IQCJ: variants seen among roughly 807,000 people sequenced by gnomAD.
IQCJ encodes IQ motif containing J, also known as IQ domain-containing protein J.
IQCJ carries 9 observed loss-of-function variants against 11.0 expected under a neutral mutation model. The ratio of observed to expected loss-of-function variants is 0.82; its 90% CI spans 0.49 to 1.43. The LOEUF (loss-of-function observed/expected upper bound fraction) is 1.43, where lower values mean the gene tolerates loss of function less well. IQCJ is among the 40% of genes most tolerant of loss of function. IQCJ has a pLI of 0.00. For synonymous variants in IQCJ, 55 were observed against 51.3 expected, an observed-to-expected ratio of 1.07 and a Z score of -0.31; for missense variants, 146 against 133.2, an observed-to-expected ratio of 1.10 and a Z score of -0.47.
chr3:159,076,165 C>T (rs1715900350), intron 1 of IQCJ, among the ~76,000 whole-genome samples: 1 of 152,030 alleles, frequency 6.6e-6, no homozygotes, highest in African/African-American at 2.4e-5. Flanking sequence ...TGATGTATGT[C>T]TCTGCAGTGT....
chr3:159,202,076 A>G (rs924680689), intron 1 of IQCJ, among the ~76,000 whole-genome samples: 13 of 152,120 alleles, frequency 8.5e-5, no homozygotes, highest in African/African-American at 1.2e-4. Flanking sequence ...GTTGAGTCCA[A>G]TTGACTCAAG....
At chr3:159,199,206 C>A (rs960209758) in intron 1 of IQCJ, among the ~76,000 whole-genome samples, 2 of 152,072 alleles carry the variant, frequency 1.3e-5, no homozygotes, top group Non-Finnish European at 2.9e-5. Flanking sequence ...AACCCTAAGA[C>A]CAGGAGATTA....
chr3:159,086,711 G>C (rs537471963), intron 1 of IQCJ, among the ~76,000 whole-genome samples: 63 of 151,954 alleles, frequency 4.1e-4, no homozygotes, highest in African/African-American at 1.2e-3. Flanking sequence ...TGATTTGGCT[G>C]TCTGTTTGTC....
At chr3:159,205,195 G>T (rs1724582062) in intron 1 of IQCJ, among the ~76,000 whole-genome samples, 1 of 152,156 alleles carries the variant, frequency 6.6e-6, no homozygotes, top group Non-Finnish European at 1.5e-5. Context: ...TTGCTAGAAG[G>T]ATTCACAGAA....
At chr3:159,086,543 C>A (rs1220506148) in intron 1 of IQCJ, among the ~76,000 whole-genome samples, 1 of 152,180 alleles carries the variant, frequency 6.6e-6, no homozygotes, top group Non-Finnish European at 1.5e-5. Flanking sequence ...TTCTTTCTAC[C>A]CGTGAGCATG....
At chr3:159,164,482 A>G (rs919111286) in intron 1 of IQCJ, among the ~76,000 whole-genome samples, 49 of 152,202 alleles carry the variant, frequency 3.2e-4, no homozygotes, top group African/African-American at 1.1e-3. Context: ...AATTAGGTTC[A>G]GCTCTCCAGG....
intron 1 of IQCJ, among the ~76,000 whole-genome samples, chr3:159,193,592 C>G (rs1723811173): frequency 6.6e-6 from 1 of 152,152 alleles, no homozygotes; most frequent in African/African-American, 2.4e-5. Context: ...ATCAAAGATT[C>G]TGTAAGAATC....
chr3:159,117,064 C>T (rs939090056), intron 1 of IQCJ, among the ~76,000 whole-genome samples: 2 of 152,180 alleles, frequency 1.3e-5, no homozygotes, highest in African/African-American at 4.8e-5. Context: ...TACTACTCTT[C>T]CGTAAAACAT....
chr3:159,102,934 T>C (rs1718023411), intron 1 of IQCJ, among the ~76,000 whole-genome samples: 1 of 152,216 alleles, frequency 6.6e-6, no homozygotes. Flanking sequence ...TCTAACTTCA[T>C]TGATATAAAA....
chr3:159,252,588 A>T, intron 2 of IQCJ, 139 bp from the exon 3 acceptor site: 2 of 744,574 alleles, frequency 2.7e-6, no homozygotes, highest in Non-Finnish European at 4.0e-6. Context: ...ATCATCCATC[A>T]ACAGGAACTT....
chr3:159,217,726 C>T (rs904018715), intron 1 of IQCJ, among the ~76,000 whole-genome samples: 1 of 152,132 alleles, frequency 6.6e-6, no homozygotes, highest in African/African-American at 2.4e-5. Flanking sequence ...AATCCCTCCT[C>T]CCCAGTTTCT....
intron 1 of IQCJ, among the ~76,000 whole-genome samples, chr3:159,238,319 G>A (rs182587835): frequency 4.6e-5 from 7 of 152,242 alleles, no homozygotes; most frequent in East Asian, 1.9e-4. Flanking sequence ...AGAATAAAGG[G>A]TCTAATAGAT....
intron 1 of IQCJ, among the ~76,000 whole-genome samples, chr3:159,095,436 C>A (rs1381822314): frequency 6.9e-6 from 1 of 145,848 alleles, no homozygotes; most frequent in Non-Finnish European, 1.5e-5. Flanking sequence ...CATATGTATA[C>A]ATGTGCCATG....
intron 1 of IQCJ, among the ~76,000 whole-genome samples, chr3:159,146,866 A>C (rs549830426): frequency 1.2e-3 from 179 of 152,348 alleles, no homozygotes; most frequent in African/African-American, 4.1e-3. Flanking sequence ...TTAAATAGTC[A>C]AGGGCTGTCA....
intron 1 of IQCJ, among the ~76,000 whole-genome samples, chr3:159,128,979 T>C (rs1343222661): frequency 2.6e-5 from 4 of 152,168 alleles, no homozygotes; most frequent in Non-Finnish European, 5.9e-5. Context: ...TCCCTATCTC[T>C]GTTTGCTAAA....
intron 3 of IQCJ, among the ~76,000 whole-genome samples, chr3:159,254,822 T>C (rs931796189): frequency 6.6e-6 from 1 of 152,192 alleles, no homozygotes. Context: ...GCGGACACTT[T>C]CACTCTCAGC....
chr3:159,263,630 T>C lies in IQCJ; in HGVS notation c.*899T>C, dbSNP rs1413589742. The C allele has an allele frequency of 2.0e-6, 2 of 985,164 alleles. No individual in the cohort carries two copies. Among genetic ancestry groups the C allele is most frequent in the African/African-American group, 3.5e-5 (2 of 57,232 alleles). The allele number at this position is 985,164 out of a possible 1,614,324, so 61.0% of individuals were successfully genotyped here. A position where few individuals can be genotyped will look rare whatever the true frequency, so the allele number is the denominator to read the frequency against. On this transcript the variant is annotated 3_prime_UTR_variant, in exon 4 of 4. Transcript: ENST00000397832. ...TTTCTTTTACTTTTGGTTATCATGTTTATTCTGTGGTAAAAAGGTTTCCCA... is the reference window on the plus strand; with the variant it reads ...TTTCTTTTACTTTTGGTTATCATGTCTATTCTGTGGTAAAAAGGTTTCCCA...
intron 1 of IQCJ, among the ~76,000 whole-genome samples, chr3:159,234,492 A>T (rs1332986205): frequency 6.6e-6 from 1 of 152,184 alleles, no homozygotes; most frequent in Non-Finnish European, 1.5e-5. Flanking sequence ...AGTAGTGTTT[A>T]TGAGCAGAAG....
Position 159,135,712 on chromosome 3 carries a change from C to T in IQCJ, c.9+66271C>T, listed in dbSNP as rs1043075033. On this transcript the variant is annotated intron_variant, in intron 1 of 3. Coordinates refer to ENST00000397832, the MANE Select transcript of IQCJ (RefSeq NM_001042706.3). ...ATGGAGTAATACCGATCACTTCTTT[C>T]GCTGGCCATACCAAATGCAAGGGAG... is the stretch of plus-strand genomic sequence containing the variant. 2.6e-5 allele frequency among the ~76,000 whole-genome samples: 4 copies of T among 152,204 alleles called. No homozygotes were observed. In the South Asian group the frequency reaches 6.2e-4, roughly 24 times the overall value.
Sources: allele counts gnomAD v4.1 joint callset (sites outside exome capture counted in the v4.1 genomes callset), GRCh38; gene constraint gnomAD v4.1.1; transcripts MANE v1.5; gene names NCBI Gene and HGNC (gene_info 2026-07-23, HGNC 2026-07-21).